DLGAP4: variants seen among roughly 807,000 people sequenced by gnomAD.
The protein encoded by DLGAP4 is DLG associated protein 4, also known as disks large-associated protein 4.
DLGAP4 carries 18 observed loss-of-function variants against 86.9 expected under a neutral mutation model. The observed-to-expected ratio is 0.21, with a 90% CI of 0.14 to 0.31. The LOEUF (loss-of-function observed/expected upper bound fraction) is 0.31. DLGAP4 is among the 10% of genes least tolerant of loss of function. The pLI is 1.00. For synonymous variants in DLGAP4, 548 were observed against 574.3 expected, an observed-to-expected ratio of 0.95 and a Z score of 0.65; for missense variants, 1,085 against 1,362.6, an observed-to-expected ratio of 0.80 and a Z score of 3.21.
chr20:36,325,971 GC>G (rs1266826490), intron 1 of DLGAP4, among the ~76,000 whole-genome samples: 2 of 152,092 alleles, frequency 1.3e-5, no homozygotes, highest in Non-Finnish European at 2.9e-5. Flanking sequence ...TCCCAGCTCG[GC>G]CTCCCAAAGT....
intron 2 of DLGAP4, among the ~76,000 whole-genome samples, chr20:36,418,889 C>T (rs2032742690): frequency 6.6e-6 from 1 of 152,254 alleles, no homozygotes; most frequent in East Asian, 1.9e-4. Flanking sequence ...AGGCTGGAAA[C>T]AATTCAGACC....
At chr20:36,330,772 C>T (rs1362154613) in intron 1 of DLGAP4, among the ~76,000 whole-genome samples, 2 of 152,092 alleles carry the variant, frequency 1.3e-5, no homozygotes, top group Non-Finnish European at 2.9e-5. Context: ...CGAGGTTTCA[C>T]CGTGTTAGTC....
intron 1 of DLGAP4, among the ~76,000 whole-genome samples, chr20:36,329,792 G>T (rs2147356587): frequency 6.6e-6 from 1 of 152,136 alleles, no homozygotes; most frequent in Non-Finnish European, 1.5e-5. Flanking sequence ...CAGCACTTTG[G>T]TAGGCCAAGT....
intron 7 of DLGAP4, among the ~76,000 whole-genome samples, chr20:36,447,572 CA>C (rs1285082425): frequency 6.6e-6 from 1 of 152,114 alleles, no homozygotes; most frequent in South Asian, 2.1e-4. Flanking sequence ...AGACACATGC[CA>C]CCATGCCTGG....
chr20:36,352,268 G>A (rs1431263652), intron 1 of DLGAP4, among the ~76,000 whole-genome samples: 3 of 152,174 alleles, frequency 2.0e-5, no homozygotes, highest in Non-Finnish European at 2.9e-5. Flanking sequence ...CTGTAAGCCA[G>A]GGTGAGGTCT....
At chr20:36,380,546 C>T (rs1317371954) in intron 2 of DLGAP4, among the ~76,000 whole-genome samples, 1 of 150,448 alleles carries the variant, frequency 6.6e-6, no homozygotes, top group African/African-American at 2.4e-5. Flanking sequence ...TATGATCATG[C>T]CACTACACTC....
intron 6 of DLGAP4, 117 bp from the exon 7 acceptor site, chr20:36,446,579 TG>T: frequency 1.1e-6 from 1 of 883,550 alleles, no homozygotes; most frequent in South Asian, 1.7e-5. Context: ...TGGACAGGGG[TG>T]GGCTGAGGTC....
At chr20:36,422,600 G>T (rs1319890635) in intron 2 of DLGAP4, among the ~76,000 whole-genome samples, 1 of 152,302 alleles carries the variant, frequency 6.6e-6, no homozygotes, top group East Asian at 1.9e-4. Context: ...TGAGTTTTGT[G>T]TCAGGAAGAG....
chr20:36,335,178 G>T (rs549139724), intron 1 of DLGAP4, among the ~76,000 whole-genome samples: 18 of 152,272 alleles, frequency 1.2e-4, no homozygotes, highest in African/African-American at 3.9e-4. Context: ...TCCATGGGGA[G>T]ACTAGGGGAC....
In DLGAP4 at chr20:36,306,938, C is replaced by T. The variant is rs1322780211; in HGVS notation, c.-304+426C>T. ...AGGGCGGCCTGGGGGTCAGGCGGACCCCTCCCGTGCCCGGCCAACCTTGGC... is the reference window on the plus strand; with the variant it reads ...AGGGCGGCCTGGGGGTCAGGCGGACTCCTCCCGTGCCCGGCCAACCTTGGC... On this transcript the variant is annotated intron_variant, in intron 1 of 12. Transcript: ENST00000339266. This position sits in a 1 kb window ranked among gnomAD's most constrained non-coding sequence, Gnocchi z 4.9. Among the ~76,000 whole-genome samples the T allele has an allele frequency of 6.6e-6, 1 of 152,184 alleles. No homozygotes were observed. Among genetic ancestry groups the T allele is most frequent in the African/African-American group, 2.4e-5 (1 of 41,462 alleles).
chr20:36,500,241 AGACTCGGATACCCAGGATGCCAAT>A lies in DLGAP4; in HGVS notation c.2148_2171del (p.Asp717_Ser724del). 6.3e-7 allele frequency: 1 copy of A among 1,599,042 alleles called. No homozygotes were observed. Among genetic ancestry groups the A allele is most frequent in the East Asian group, 2.3e-5 (1 of 43,964 alleles). On this transcript the variant is annotated inframe_deletion, in exon 10 of 13. Transcript: ENST00000339266. The surrounding 1 kb of genome is among the most constrained non-coding windows in gnomAD (Gnocchi z 4.6). ...ACAGTATGTCCTCCCGACGGGACAC[AGACTCGGATACCCAGGATGCCAAT>A]GACTCAAGCTGTAAGTCATCTGAGA...
At chr20:36,331,558 A>C (rs781892311) in intron 1 of DLGAP4, among the ~76,000 whole-genome samples, 4 of 152,086 alleles carry the variant, frequency 2.6e-5, no homozygotes, top group Non-Finnish European at 5.9e-5. Context: ...CTCTGGGGAG[A>C]GGGGCCAGAG....
At chr20:36,319,571 T>G (rs567890309) in intron 1 of DLGAP4, among the ~76,000 whole-genome samples, 2 of 152,290 alleles carry the variant, frequency 1.3e-5, no homozygotes, top group South Asian at 4.1e-4. Context: ...GGGTGAGCAC[T>G]ATGGGCAGAG....
At chr20:36,461,748 T>TGCGGGCCCCCC in intron 7 of DLGAP4, 1 of 852,112 alleles carries the variant, frequency 1.2e-6, no homozygotes, top group Non-Finnish European at 1.4e-6. Flanking sequence ...CGTCCGTCCG[T>TGCGGGCCCCCC]CCGCCCGCCC....
intron 2 of DLGAP4, among the ~76,000 whole-genome samples, chr20:36,370,320 T>C (rs1413948845): frequency 3.4e-5 from 5 of 148,874 alleles, no homozygotes; most frequent in Non-Finnish European, 7.4e-5. Context: ...GGCAATATAG[T>C]GAAACCTCAT....
intron 2 of DLGAP4, among the ~76,000 whole-genome samples, chr20:36,421,113 C>G (rs2147519676): frequency 6.6e-6 from 1 of 152,000 alleles, no homozygotes; most frequent in African/African-American, 2.4e-5. Flanking sequence ...TGCACTCCAG[C>G]CTGGGCAAAA....
intron 11 of DLGAP4, among the ~76,000 whole-genome samples, chr20:36,524,970 G>A (rs2037618217): frequency 6.6e-6 from 1 of 151,768 alleles, no homozygotes; most frequent in Admixed American, 6.6e-5. Flanking sequence ...TGTAATCCCA[G>A]CACTTTGGGA....
At chr20:36,519,458 A>G (rs1157600383) in intron 10 of DLGAP4, among the ~76,000 whole-genome samples, 1 of 152,198 alleles carries the variant, frequency 6.6e-6, no homozygotes, top group Non-Finnish European at 1.5e-5. Flanking sequence ...GTGCATGTAC[A>G]CACAGATTTT....
intron 7 of DLGAP4, among the ~76,000 whole-genome samples, chr20:36,460,144 T>G (rs1476261518): frequency 2.6e-5 from 4 of 152,192 alleles, no homozygotes; most frequent in African/African-American, 9.6e-5. Context: ...TGCCTTGGGT[T>G]GTCAGGGCCC....
Sources: gnomAD v4.1 joint callset for allele counts (sites outside exome capture counted in the v4.1 genomes callset) on GRCh38, gnomAD v4.1.1 for gene constraint, Gnocchi (gnomAD v3.1) non-coding constraint, MANE v1.5 for transcripts, NCBI Gene and HGNC (gene_info 2026-07-23, HGNC 2026-07-21) for gene names.